Variants in UNC13C observed in about 807,000 individuals in gnomAD.
UNC13C encodes the protein unc-13 homolog C.
In UNC13C, 174 loss-of-function variants were observed where a neutral mutation model predicts 245.4. That is an observed-to-expected ratio of 0.71 (90% CI 0.63 to 0.80). The LOEUF is 0.80. Among genes scored for constraint, UNC13C ranks in the 30% least tolerant of loss-of-function variants. UNC13C has a pLI of 0.00. For missense variants in UNC13C, 2,829 were observed against 2,602.9 expected, an observed-to-expected ratio of 1.09 and a Z score of -1.89; for synonymous variants, 992 against 895.1, an observed-to-expected ratio of 1.11 and a Z score of -1.93.
intron 19 of UNC13C, among the ~76,000 whole-genome samples, chr15:54,467,695 T>G (rs1020300445): frequency 6.6e-6 from 1 of 151,684 alleles, no homozygotes; most frequent in Non-Finnish European, 1.5e-5. Flanking sequence ...TGAGTTTGAC[T>G]TTTTCAGATC....
intron 19 of UNC13C, among the ~76,000 whole-genome samples, chr15:54,440,488 C>T (rs191989213): frequency 1.3e-5 from 2 of 152,050 alleles, no homozygotes; most frequent in East Asian, 3.9e-4. Context: ...GACATGATTT[C>T]ATTATTTTTT....
intron 2 of UNC13C, among the ~76,000 whole-genome samples, chr15:54,059,175 C>T (rs1386787018): frequency 6.7e-6 from 1 of 149,846 alleles, no homozygotes; most frequent in Non-Finnish European, 1.5e-5. Flanking sequence ...GTCAAATTGT[C>T]CCTGTTTGCA....
intron 11 of UNC13C, among the ~76,000 whole-genome samples, chr15:54,294,489 T>C (rs1398672545): frequency 1.3e-5 from 2 of 152,066 alleles, no homozygotes; most frequent in East Asian, 1.9e-4. Context: ...CAAATGACGG[T>C]ATAACAGTAG....
At chr15:54,145,700 G>A (rs776248825) in intron 4 of UNC13C, among the ~76,000 whole-genome samples, 1 of 152,160 alleles carries the variant, frequency 6.6e-6, no homozygotes, top group Non-Finnish European at 1.5e-5. Flanking sequence ...AAATTGTTGG[G>A]ACATCGTGTC....
At chr15:54,200,846 C>T (rs1198768490) in intron 4 of UNC13C, among the ~76,000 whole-genome samples, 3 of 151,662 alleles carry the variant, frequency 2.0e-5, no homozygotes, top group Non-Finnish European at 4.4e-5. Flanking sequence ...GAAACTGAAA[C>T]AAACAAACAA....
At chr15:54,208,837 C>T (rs1210522551) in intron 4 of UNC13C, among the ~76,000 whole-genome samples, 1 of 152,032 alleles carries the variant, frequency 6.6e-6, no homozygotes, top group Non-Finnish European at 1.5e-5. Flanking sequence ...CTTTTTAGTT[C>T]TCTCACTTAT....
chr15:54,006,433 A>T (rs1360569256), intron 1 of UNC13C, among the ~76,000 whole-genome samples: 1 of 152,146 alleles, frequency 6.6e-6, no homozygotes, highest in Non-Finnish European at 1.5e-5. Context: ...TTCTGATTTG[A>T]TCATTTTTGT....
At chr15:54,168,151 G>A (rs1033299515) in intron 4 of UNC13C, among the ~76,000 whole-genome samples, 7 of 152,252 alleles carry the variant, frequency 4.6e-5, no homozygotes, top group African/African-American at 1.4e-4. Flanking sequence ...TTTGCTGAAT[G>A]TTTGAGATTT....
In UNC13C at chr15:54,014,739, T is replaced by C; in HGVS notation, c.1836T>C (p.Gly612=). The C allele has an allele frequency of 6.2e-7, 1 of 1,613,862 alleles. No individual in the cohort carries two copies. The highest frequency in any genetic ancestry group is 8.5e-7 in the Non-Finnish European group (1 of 1,179,830). Residue 612 remains glycine (G), a synonymous_variant, in exon 2 of 33, where the codon GGT becomes GGC. Transcript: ENST00000260323. ...AGCATTTGAATGGAGGTGTTCAGGG[T>C]ATCCAAGGGCAGACTGAAACTGAAA... The part of the protein sequence containing the change: ...KDQHLNGGVQ[G]IQGQTETENT...
rs982185079 is a variant in UNC13C at position 54,414,647 on chromosome 15, A to G, written c.4848-335A>G. Among the ~76,000 whole-genome samples, 5 of 151,272 alleles carry G rather than the reference A, an allele frequency of 3.3e-5. No individual in the cohort carries two copies. In the East Asian group the frequency reaches 7.8e-4, roughly 23 times the overall value. ...GGGTGAAGAGTGAGACTCTGTCTCA[A>G]AAAAAAAAGAAGAAGATGGAGTCTT... On this transcript the variant is annotated intron_variant, in intron 18 of 32. Transcript: ENST00000260323.
At chr15:54,331,768 A>G (rs1055342549) in intron 14 of UNC13C, among the ~76,000 whole-genome samples, 1 of 152,092 alleles carries the variant, frequency 6.6e-6, no homozygotes, top group Non-Finnish European at 1.5e-5. Context: ...CTTTCTACAA[A>G]ATGCAAGTCT....
chr15:54,315,982 G>A (rs2037998880), intron 13 of UNC13C, among the ~76,000 whole-genome samples: 1 of 151,538 alleles, frequency 6.6e-6, no homozygotes, highest in Admixed American at 6.6e-5. Context: ...CTCCTAATTG[G>A]ACTCTTTACT....
chr15:54,236,934 G>A (rs1017564712), intron 6 of UNC13C, among the ~76,000 whole-genome samples: 2 of 152,050 alleles, frequency 1.3e-5, no homozygotes, highest in Non-Finnish European at 2.9e-5. Context: ...GATTTCCAAC[G>A]TTCTCCATAG....
chr15:54,559,843 A>G (rs578084799), intron 29 of UNC13C, among the ~76,000 whole-genome samples: 3 of 152,006 alleles, frequency 2.0e-5, no homozygotes, highest in Admixed American at 6.6e-5. Context: ...AGAACTGATC[A>G]TGACTGGCTG....
At chr15:53,922,296 C>T in the UNC13C span, among the ~76,000 whole-genome samples, 1 of 152,094 alleles carries the variant, frequency 6.6e-6, no homozygotes, top group Non-Finnish European at 1.5e-5. Context: ...TAACAGAGGG[C>T]ATATATGAAA....
At chr15:54,397,387 A>G (rs1446311200) in intron 18 of UNC13C, among the ~76,000 whole-genome samples, 1 of 151,550 alleles carries the variant, frequency 6.6e-6, no homozygotes, top group East Asian at 1.9e-4. Flanking sequence ...ACTGATCTAT[A>G]TAGCCGTAAT....
intron 4 of UNC13C, among the ~76,000 whole-genome samples, chr15:54,224,767 A>G (rs567304947): frequency 2.0e-5 from 3 of 152,284 alleles, no homozygotes; most frequent in East Asian, 1.9e-4. Flanking sequence ...CAATGAAGTC[A>G]TCAGGTCCCA....
At chr15:53,838,760 T>C in the UNC13C span, among the ~76,000 whole-genome samples, 14 of 152,166 alleles carry the variant, frequency 9.2e-5, no homozygotes, top group African/African-American at 3.4e-4. Context: ...GTGAAGATTT[T>C]CTCATTTTCT....
intron 10 of UNC13C, among the ~76,000 whole-genome samples, chr15:54,270,986 G>A (rs1161849390): frequency 6.6e-6 from 1 of 152,074 alleles, no homozygotes; most frequent in African/African-American, 2.4e-5. Context: ...TCAACTTTGG[G>A]ATTTGGCCTT....
Sources: allele counts gnomAD v4.1 joint callset (sites outside exome capture counted in the v4.1 genomes callset), GRCh38; gene constraint gnomAD v4.1.1; transcripts MANE v1.5; gene names NCBI Gene and HGNC (gene_info 2026-07-23, HGNC 2026-07-21).